Variants in SLIT2 observed in about 807,000 individuals in gnomAD.
SLIT2 encodes the protein slit homolog 2 protein.
Under a neutral mutation model 185.7 loss-of-function variants are expected in SLIT2, and 41 were observed. The observed-to-expected ratio is 0.22, with a 90% CI of 0.17 to 0.29. The LOEUF is 0.29. SLIT2 is among the 10% of genes least tolerant of loss of function. The pLI is 1.00. For synonymous variants in SLIT2, 693 were observed against 680.2 expected (o/e 1.02, Z -0.29); for missense variants, 1,571 against 1,909.0 (o/e 0.82, Z 3.30).
At chr4:20,514,309 A>G (rs958664041) in intron 11 of SLIT2, among the ~76,000 whole-genome samples, 2 of 152,176 alleles carry the variant, frequency 1.3e-5, no homozygotes, top group Non-Finnish European at 2.9e-5. Flanking sequence ...TTTAAAGGTG[A>G]TATGATGCCA....
At chr4:20,520,745 A>T (rs1424798338) in intron 12 of SLIT2, among the ~76,000 whole-genome samples, 1 of 152,166 alleles carries the variant, frequency 6.6e-6, no homozygotes, top group Non-Finnish European at 1.5e-5. Flanking sequence ...AACAATAATG[A>T]ACCTTATTAT....
intron 4 of SLIT2, among the ~76,000 whole-genome samples, chr4:20,449,300 T>G (rs1016466977): frequency 3.7e-4 from 56 of 152,320 alleles, no homozygotes; most frequent in African/African-American, 1.3e-3. Context: ...CATGGGAAAT[T>G]ATTGAATGTT....
Position 20,264,045 on chromosome 4 carries a change from C to A in SLIT2, c.324-4765C>A, listed in dbSNP as rs115469035. Among the ~76,000 whole-genome samples, 1,095 of 151,786 alleles carry A rather than the reference C, an allele frequency of 7.2e-3. 18 individuals carry two copies. The highest frequency in any genetic ancestry group is 0.025 in the African/African-American group (1,048 of 41,462). Reference sequence around the variant, plus strand: ...AGTGTTTCTCATAGTCTCTCTGAGTCTATAGAGAAATACCGGGAAGTAAGG... The same window carrying A: ...AGTGTTTCTCATAGTCTCTCTGAGTATATAGAGAAATACCGGGAAGTAAGG... On this transcript the variant is annotated intron_variant, in intron 3 of 36. Coordinates refer to ENST00000504154, the MANE Select transcript of SLIT2 (RefSeq NM_004787.4).
chr4:20,488,013 C>G (rs1322556947), intron 7 of SLIT2, among the ~76,000 whole-genome samples: 2 of 152,126 alleles, frequency 1.3e-5, no homozygotes, highest in African/African-American at 4.8e-5. Context: ...ATGTCCTTTT[C>G]TTTAGTTTGA....
chr4:20,554,292 T>C (rs747280319), intron 26 of SLIT2: 10 of 471,944 alleles, frequency 2.1e-5, no homozygotes, highest in South Asian at 4.6e-5. Context: ...TGTCTGAACA[T>C]GTGCCCTGCT....
At chr4:20,278,235 T>G (rs7680377) in intron 4 of SLIT2, among the ~76,000 whole-genome samples, 62,823 of 151,766 alleles carry the variant, frequency 0.41, 13,692 homozygotes, top group East Asian at 0.77. Context: ...TGTTTTTTTT[T>G]TTGTTGTTGT....
At chr4:20,386,129 C>T (rs141019197) in intron 4 of SLIT2, among the ~76,000 whole-genome samples, 3 of 152,244 alleles carry the variant, frequency 2.0e-5, no homozygotes, top group African/African-American at 7.2e-5. Flanking sequence ...GCATTTGACT[C>T]ATAAGAGAAT....
At chr4:20,526,448 C>T (rs1276235599) in intron 15 of SLIT2, among the ~76,000 whole-genome samples, 2 of 151,884 alleles carry the variant, frequency 1.3e-5, no homozygotes, top group African/African-American at 2.4e-5. Context: ...CCAGAAAAAG[C>T]CATATTCTAA....
At chr4:20,302,792 G>A (rs1008378241) in intron 4 of SLIT2, among the ~76,000 whole-genome samples, 1 of 152,140 alleles carries the variant, frequency 6.6e-6, no homozygotes, top group African/African-American at 2.4e-5. Flanking sequence ...TAAAGCAAAC[G>A]TTTATCATCC....
At position 20,254,842 on chromosome 4, in the gene SLIT2, G is replaced by T; in HGVS notation, c.179+848G>T. 2.3e-6 allele frequency: 1 copy of T among 439,548 alleles called. No homozygotes were observed. Among genetic ancestry groups the T allele is most frequent in the Non-Finnish European group, 4.6e-6 (1 of 218,356 alleles). 27.2% of individuals were successfully genotyped at this position (439,548 alleles called of 1,614,324 possible). A position where few individuals can be genotyped will look rare whatever the true frequency, so the allele number is the denominator to read the frequency against. Reference sequence around the variant, plus strand: ...CATCCACCTTTCTGGCAGTTTCTGCGCCCCTTCACGTGGCAGCAGTTCCCC... The same window carrying T: ...CATCCACCTTTCTGGCAGTTTCTGCTCCCCTTCACGTGGCAGCAGTTCCCC... On this transcript the variant is annotated intron_variant, in intron 1 of 36. Coordinates refer to ENST00000504154, the MANE Select transcript of SLIT2 (RefSeq NM_004787.4). The surrounding 1 kb of genome is among the most constrained non-coding windows in gnomAD (Gnocchi z 5.1).
At chr4:20,371,451 T>C (rs1723567123) in intron 4 of SLIT2, among the ~76,000 whole-genome samples, 1 of 152,132 alleles carries the variant, frequency 6.6e-6, no homozygotes, top group African/African-American at 2.4e-5. Context: ...AACATGTTCC[T>C]GTAACCATAT....
At chr4:20,612,319 A>T (rs1019570841) in intron 34 of SLIT2, among the ~76,000 whole-genome samples, 1 of 151,216 alleles carries the variant, frequency 6.6e-6, no homozygotes, top group Non-Finnish European at 1.5e-5. Flanking sequence ...GCCAAAAAAA[A>T]AAAAGAGGAA....
At chr4:20,355,877 C>G (rs1440187965) in intron 4 of SLIT2, among the ~76,000 whole-genome samples, 1 of 152,090 alleles carries the variant, frequency 6.6e-6, no homozygotes, top group Non-Finnish European at 1.5e-5. Flanking sequence ...CAGTTTACTA[C>G]TACTACTATT....
At chr4:20,356,977 CA>C (rs972596679) in intron 4 of SLIT2, among the ~76,000 whole-genome samples, 10 of 151,984 alleles carry the variant, frequency 6.6e-5, no homozygotes, top group African/African-American at 2.2e-4. Context: ...CAAAACAAAA[CA>C]AAAACTTTGA....
chr4:20,583,016 A>G (rs1315393110), intron 29 of SLIT2, among the ~76,000 whole-genome samples: 1 of 152,214 alleles, frequency 6.6e-6, no homozygotes, highest in Non-Finnish European at 1.5e-5. Context: ...CTCAGAACTC[A>G]TGCAATTCAA....
intron 4 of SLIT2, among the ~76,000 whole-genome samples, chr4:20,334,747 G>A (rs1229837245): frequency 6.6e-6 from 1 of 152,120 alleles, no homozygotes; most frequent in Non-Finnish European, 1.5e-5. Flanking sequence ...GAATTAGACT[G>A]TCTGGGTTTG....
At chr4:20,617,884 C>G (rs562339181) in intron 36 of SLIT2, among the ~76,000 whole-genome samples, 1 of 152,094 alleles carries the variant, frequency 6.6e-6, no homozygotes, top group Non-Finnish European at 1.5e-5. Flanking sequence ...AAACCTCCAC[C>G]GCAAGATTGT....
chr4:20,348,738 A>T (rs767714527), intron 4 of SLIT2, among the ~76,000 whole-genome samples: 4 of 152,172 alleles, frequency 2.6e-5, no homozygotes, highest in African/African-American at 9.7e-5. Context: ...TCGTTTGTCA[A>T]CGTCTTGAGT....
At chr4:20,505,252 T>A (rs1719100434) in intron 9 of SLIT2, among the ~76,000 whole-genome samples, 1 of 152,000 alleles carries the variant, frequency 6.6e-6, no homozygotes, top group South Asian at 2.1e-4. Context: ...CGAAAGAAAA[T>A]AGCTTTTGTA....
Sources: allele counts gnomAD v4.1 joint callset (sites outside exome capture counted in the v4.1 genomes callset), GRCh38; gene constraint gnomAD v4.1.1; non-coding constraint Gnocchi (gnomAD v3.1); transcripts MANE v1.5; gene names NCBI Gene and HGNC (gene_info 2026-07-23, HGNC 2026-07-21).